Variants in PRRT1B observed in about 807,000 individuals in gnomAD.
PRRT1B encodes the protein proline rich transmembrane protein 1B.
chr9:131,551,088 A>G lies in PRRT1B; in HGVS notation c.26-3469A>G, dbSNP rs4740271. On this transcript the variant is annotated intron_variant, in intron 1 of 3. Coordinates refer to ENST00000636672, the Ensembl canonical transcript of PRRT1B. The surrounding 1 kb of genome is among the most constrained non-coding windows in gnomAD (Gnocchi z 4.4). ...CTCCCGAGTAGCTGGGACTACAGGC[A>G]CCCGCCACCATGCTCCGCTAATTTT... Among the ~76,000 whole-genome samples, 107,421 of 150,692 alleles carry G rather than the reference A, an allele frequency of 0.71. 39,501 individuals are homozygous for G. The highest frequency in any genetic ancestry group is 0.92 in the African/African-American group (37,667 of 41,122).
In PRRT1B at chr9:131,551,234, G is replaced by A. The variant is rs1168439317; in HGVS notation, c.26-3323G>A. ...TGGGATTACGGGTGTGAGCCACCGC[G>A]CCCGACCTGCGTTTAGTTTTTCAAT... On this transcript the variant is annotated intron_variant, in intron 1 of 3. Transcript: ENST00000636672. The surrounding 1 kb of genome is among the most constrained non-coding windows in gnomAD (Gnocchi z 4.4). Among the ~76,000 whole-genome samples, 5 of 151,906 alleles carry A rather than the reference G, an allele frequency of 3.3e-5. No homozygotes were observed. The highest frequency in any genetic ancestry group is 1.3e-4 in the Admixed American group (2 of 15,250).
At chr9:131,556,988 CATCCATCTACT>C (rs1276793049) in intron 3 of PRRT1B, among the ~76,000 whole-genome samples, 3 of 151,920 alleles carry the variant, frequency 2.0e-5, no homozygotes, top group Non-Finnish European at 4.4e-5. Flanking sequence ...ATCCATCTAC[CATCCATCTACT>C]ATCCATCTAC....
intron 3 of PRRT1B, among the ~76,000 whole-genome samples, chr9:131,557,662 A>G (rs1951059241): frequency 6.6e-6 from 1 of 152,252 alleles, no homozygotes; most frequent in African/African-American, 2.4e-5. Context: ...AGCTCTCAGG[A>G]CAACTCAGAG....
rs1168439317 is a variant in PRRT1B at position 131,551,234 on chromosome 9, G to T, written c.26-3323G>T. 6.6e-6 allele frequency among the ~76,000 whole-genome samples: 1 copy of T among 151,906 alleles called. No homozygotes were observed. Among genetic ancestry groups the T allele is most frequent in the South Asian group, 2.1e-4 (1 of 4,796 alleles). The stretch of plus-strand genomic sequence containing the variant: ...TGGGATTACGGGTGTGAGCCACCGC[G>T]CCCGACCTGCGTTTAGTTTTTCAAT... On this transcript the variant is annotated intron_variant, in intron 1 of 3. Transcript: ENST00000636672. This position sits in a 1 kb window ranked among gnomAD's most constrained non-coding sequence, Gnocchi z 4.4.
intron 1 of PRRT1B, among the ~76,000 whole-genome samples, chr9:131,545,843 C>G (rs1588547999): frequency 1.6e-5 from 2 of 123,264 alleles, no homozygotes; most frequent in South Asian, 2.6e-4. Context: ...GCTGGTGGGG[C>G]GGGTGCTGGA....
In PRRT1B at chr9:131,554,799, G is replaced by GCGGCGGC; in HGVS notation, c.276_282dup (p.Ala95ArgfsTer131). On this transcript the variant is annotated frameshift_variant, in exon 2 of 4. Coordinates refer to ENST00000636672, the Ensembl canonical transcript of PRRT1B. LOFTEE classifies it high-confidence loss of function. ...GGGCGAGGCCGGGCCGGTTTCCAAG[G>GCGGCGGC]CGGCGGCCGGCGGCGCCCCCCACAT... 2.9e-6 allele frequency: 1 copy of GCGGCGGC among 347,760 alleles called. No individual in the cohort carries two copies. The highest frequency in any genetic ancestry group is 1.3e-4 in the South Asian group (1 of 7,454). 21.5% of individuals were successfully genotyped at this position (347,760 alleles called of 1,614,324 possible). A position where few individuals can be genotyped will look rare whatever the true frequency, so the allele number is the denominator to read the frequency against.
At chr9:131,558,056 C>G (rs1015424512) in exon 4 of PRRT1B, 1 of 399,536 alleles carries the variant, frequency 2.5e-6, no homozygotes, top group Non-Finnish European at 4.4e-6. Flanking sequence ...GTTGCAGGCC[C>G]GTGCAGCACT....
intron 1 of PRRT1B, among the ~76,000 whole-genome samples, chr9:131,546,094 TTC>T (rs922619968): frequency 2.6e-5 from 4 of 152,072 alleles, no homozygotes; most frequent in African/African-American, 9.7e-5. Flanking sequence ...CGGCGGTTCA[TTC>T]TCTGAGCATT....
intron 1 of PRRT1B, among the ~76,000 whole-genome samples, chr9:131,550,670 G>T (rs1255524914): frequency 1.3e-5 from 2 of 152,136 alleles, no homozygotes; most frequent in African/African-American, 4.8e-5. Flanking sequence ...TAGCCTTTCT[G>T]TCCAAACAAC....
chr9:131,552,810 C>T (rs1273343732), intron 1 of PRRT1B, among the ~76,000 whole-genome samples: 1 of 150,892 alleles, frequency 6.6e-6, no homozygotes, highest in Non-Finnish European at 1.5e-5. Context: ...GTAGCCGGGA[C>T]TAGACACTTG....
At chr9:131,553,255 A>C (rs945757123) in intron 1 of PRRT1B, among the ~76,000 whole-genome samples, 26 of 152,156 alleles carry the variant, frequency 1.7e-4, no homozygotes, top group Admixed American at 4.6e-4. Flanking sequence ...CATCTTCCCA[A>C]ACAGAAACTC....
chr9:131,553,763 G>T (rs1450647928), intron 1 of PRRT1B, among the ~76,000 whole-genome samples: 2 of 152,238 alleles, frequency 1.3e-5, no homozygotes, highest in Non-Finnish European at 2.9e-5. Context: ...TGCCCACGCA[G>T]GTCAGGGGAG....
At chr9:131,558,006 G>A (rs1951061326) in intron 3 of PRRT1B, 47 bp from the exon 4 acceptor site, 2 of 398,490 alleles carry the variant, frequency 5.0e-6, no homozygotes, top group Non-Finnish European at 8.8e-6. Flanking sequence ...GGGAGTGGGG[G>A]CTCCCTGTTC....
exon 4 of PRRT1B, chr9:131,558,265 C>A (rs950139820): frequency 1.0e-5 from 4 of 400,752 alleles, no homozygotes; most frequent in Non-Finnish European, 1.8e-5. Flanking sequence ...CCGGGCCAGA[C>A]CCTTTCTCTG....
At chr9:131,549,864 T>C (rs905037349) in intron 1 of PRRT1B, among the ~76,000 whole-genome samples, 5 of 152,150 alleles carry the variant, frequency 3.3e-5, no homozygotes, top group Non-Finnish European at 5.9e-5. Context: ...AACCAAATTA[T>C]CTGCATTTCA....
At position 131,551,100 on chromosome 9, in the gene PRRT1B, G is replaced by T. The variant is rs1391727595; in HGVS notation, c.26-3457G>T. On this transcript the variant is annotated intron_variant, in intron 1 of 3. Transcript: ENST00000636672. This position sits in a 1 kb window ranked among gnomAD's most constrained non-coding sequence, Gnocchi z 4.4. ...TGGGACTACAGGCACCCGCCACCAT[G>T]CTCCGCTAATTTTTTGTATTTTTAG... 6.6e-6 allele frequency among the ~76,000 whole-genome samples: 1 copy of T among 151,538 alleles called. No individual in the cohort carries two copies. The highest frequency in any genetic ancestry group is 1.5e-5 in the Non-Finnish European group (1 of 67,876).
chr9:131,555,646 G>A (rs778745363), intron 2 of PRRT1B, among the ~76,000 whole-genome samples: 2 of 152,024 alleles, frequency 1.3e-5, no homozygotes, highest in African/African-American at 4.8e-5. Flanking sequence ...ATTGCACTCC[G>A]GGCTGAGTGA....
At chr9:131,555,277 G>A (rs1163014859) in intron 2 of PRRT1B, among the ~76,000 whole-genome samples, 1 of 152,218 alleles carries the variant, frequency 6.6e-6, no homozygotes, top group Non-Finnish European at 1.5e-5. Flanking sequence ...GCGTTCTGGG[G>A]ATGGTGGAGG....
At chr9:131,553,176 T>G (rs1951023229) in intron 1 of PRRT1B, among the ~76,000 whole-genome samples, 1 of 152,022 alleles carries the variant, frequency 6.6e-6, no homozygotes. Flanking sequence ...AAGTGTGCGA[T>G]TCAGTGGCAT....
Sources: gnomAD v4.1 joint callset for allele counts (sites outside exome capture counted in the v4.1 genomes callset) on GRCh38, gnomAD v4.1.1 for gene constraint, Gnocchi (gnomAD v3.1) non-coding constraint, MANE v1.5 for transcripts, NCBI Gene and HGNC (gene_info 2026-07-23, HGNC 2026-07-21) for gene names.